Variants in TET1 observed in about 807,000 individuals in gnomAD.
TET1 encodes methylcytosine dioxygenase TET1.
A neutral mutation model predicts 148.7 loss-of-function variants in TET1; 13 were observed. That is an observed-to-expected ratio of 0.09 (90% CI 0.06 to 0.14). The LOEUF (loss-of-function observed/expected upper bound fraction) is 0.14, where lower values mean the gene tolerates loss of function less well. Ranked by LOEUF, TET1 falls within the 10% of genes least tolerant of loss-of-function variation. The pLI is 1.00. For synonymous variants in TET1, 907 were observed against 937.2 expected, an observed-to-expected ratio of 0.97 and a Z score of 0.59; for missense variants, 2,182 against 2,553.8, an observed-to-expected ratio of 0.85 and a Z score of 3.14.
chr10:68,567,475 G>T (rs912037951), intron 1 of TET1, among the ~76,000 whole-genome samples: 2 of 151,884 alleles, frequency 1.3e-5, no homozygotes, highest in African/African-American at 4.8e-5. Flanking sequence ...TGTATTTTTA[G>T]TAGAGACAGG....
intron 4 of TET1, among the ~76,000 whole-genome samples, 187 bp downstream of exon 4, chr10:68,647,192 A>C (rs34757215): frequency 0.072 from 10,918 of 152,276 alleles, 622 homozygotes; most frequent in South Asian, 0.16. Flanking sequence ...AGAATGGAAA[A>C]TTCAGCTCAT....
In TET1 at chr10:68,628,646, A is replaced by G. The variant is rs189231871; in HGVS notation, c.1969-16052A>G. On this transcript the variant is annotated intron_variant, in intron 3 of 11. Coordinates refer to ENST00000373644, the MANE Select transcript of TET1 (RefSeq NM_030625.3). Reference sequence around the variant, plus strand: ...AACTGAAGCTGGTGAAGAAATGTGTAGTTTACTGTCACCTTTGTCCAGTTC... The same window carrying G: ...AACTGAAGCTGGTGAAGAAATGTGTGGTTTACTGTCACCTTTGTCCAGTTC... 1.7e-3 allele frequency among the ~76,000 whole-genome samples: 254 copies of G among 152,316 alleles called. 2 individuals carry two copies. The highest frequency in any genetic ancestry group is 5.9e-3 in the African/African-American group (245 of 41,572).
chr10:68,624,640 CTTTCTTTCTTTCTTTCTT>C (rs1320432582), intron 3 of TET1, among the ~76,000 whole-genome samples: 34 of 47,952 alleles, frequency 7.1e-4, no homozygotes, highest in Middle Eastern at 9.1e-3. Flanking sequence ...TTCTTTCTTT[CTTTCTTTCTTTCTTTCTT>C]TCTCTCTCTC....
chr10:68,635,028 C>T (rs549946897), intron 3 of TET1, among the ~76,000 whole-genome samples: 3 of 151,056 alleles, frequency 2.0e-5, no homozygotes, highest in Admixed American at 6.6e-5. Context: ...CACCTGACCT[C>T]GTGATCCGCC....
chr10:68,601,784 G>A (rs2054059054), intron 3 of TET1, among the ~76,000 whole-genome samples: 1 of 151,980 alleles, frequency 6.6e-6, no homozygotes, highest in Non-Finnish European at 1.5e-5. Flanking sequence ...GTGGTGTATT[G>A]CTATTACAAA....
chr10:68,687,472 T>G (rs2055530873), intron 11 of TET1, among the ~76,000 whole-genome samples: 2 of 152,342 alleles, frequency 1.3e-5, no homozygotes, highest in South Asian at 4.1e-4. Context: ...GATGCCTTCC[T>G]TGGTCACCTT....
Position 68,644,743 on chromosome 10 carries a change from A to G in TET1, c.2014A>G (p.Met672Val), listed in dbSNP as rs1409004229. Residue 672 changes from methionine to valine, a missense_variant, in exon 4 of 12, where the codon ATG becomes GTG. By Grantham distance (21) the Met-to-Val change is conservative (BLOSUM62 1). This residue lies in a region of TET1 where 226 missense variants were observed against 307.4 expected (regional missense o/e 0.74). Coordinates refer to ENST00000373644, the MANE Select transcript of TET1 (RefSeq NM_030625.3). ...AGTAAATGGCCCCAAGTCAGAATCC[A>G]TGGACTACAGTAGATGTGGTCATGG... ...KPVNGPKSES[M>V]DYSRCGHGEE... The G allele has an allele frequency of 6.3e-7, 1 of 1,596,522 alleles. No individual in the cohort carries two copies. Among genetic ancestry groups the G allele is most frequent in the Admixed American group, 1.8e-5 (1 of 55,390 alleles).
intron 2 of TET1, among the ~76,000 whole-genome samples, chr10:68,581,999 ATC>A (rs2053803753): frequency 6.6e-6 from 1 of 152,168 alleles, no homozygotes; most frequent in African/African-American, 2.4e-5. Flanking sequence ...AACTGAAATA[ATC>A]TCTCATATTT....
At chr10:68,682,782 G>T (rs1472588648) in intron 9 of TET1, 54 bp from the exon 10 acceptor site, 1 of 1,556,180 alleles carries the variant, frequency 6.4e-7, no homozygotes, top group Non-Finnish European at 8.7e-7. Context: ...CTTTACTGAA[G>T]GTAGGTGATT....
intron 3 of TET1, among the ~76,000 whole-genome samples, chr10:68,614,928 T>G (rs1208171750): frequency 1.3e-5 from 2 of 151,932 alleles, no homozygotes; most frequent in South Asian, 4.1e-4. Context: ...TCATAAAAAA[T>G]TTAAAATTTT....
intron 2 of TET1, among the ~76,000 whole-genome samples, chr10:68,595,061 G>T (rs2132851755): frequency 6.6e-6 from 1 of 151,694 alleles, no homozygotes; most frequent in South Asian, 2.1e-4. Context: ...ACTGACATGG[G>T]AGGATCGCTT....
intron 3 of TET1, among the ~76,000 whole-genome samples, chr10:68,634,493 T>C (rs977374632): frequency 2.0e-5 from 3 of 152,242 alleles, no homozygotes; most frequent in Non-Finnish European, 4.4e-5. Flanking sequence ...GTGGAATTCA[T>C]TGTGAATGTT....
intron 11 of TET1, among the ~76,000 whole-genome samples, chr10:68,688,535 C>T (rs1006073984): frequency 5.6e-5 from 8 of 143,114 alleles, no homozygotes; most frequent in South Asian, 2.3e-4. Context: ...CCCGGGTTCA[C>T]GCCATTCTCC....
intron 2 of TET1, among the ~76,000 whole-genome samples, chr10:68,596,340 ATTT>A (rs538235654): frequency 1.3e-5 from 2 of 151,936 alleles, no homozygotes. Flanking sequence ...ATATTTTCAT[ATTT>A]TTTCTGTATA....
chr10:68,694,128 A>G lies in TET1; in HGVS notation c.*2314A>G, dbSNP rs182992616. On this transcript the variant is annotated 3_prime_UTR_variant, in exon 12 of 12. Transcript: ENST00000373644. ...CTTAACAATCTAAACTTGAAACATC[A>G]ATGTTAATTTTTGGAACTATTGGGA... 2.1e-4 allele frequency: 48 copies of G among 232,620 alleles called. No homozygotes were observed. The highest frequency in any genetic ancestry group is 1.3e-3 in the Middle Eastern group (1 of 780). 14.4% of individuals were successfully genotyped at this position (232,620 alleles called of 1,614,324 possible). A position where few individuals can be genotyped will look rare whatever the true frequency, so the allele number is the denominator to read the frequency against.
intron 3 of TET1, among the ~76,000 whole-genome samples, chr10:68,637,999 T>C (rs191259187): frequency 6.5e-4 from 99 of 152,316 alleles, no homozygotes; most frequent in African/African-American, 2.4e-3. Flanking sequence ...AGGCTGGTCT[T>C]GAACTCCTTA....
chr10:68,676,237 T>TATAC (rs1491116980), intron 8 of TET1, among the ~76,000 whole-genome samples: 2 of 23,990 alleles, frequency 8.3e-5, no homozygotes, highest in African/African-American at 4.0e-4. Flanking sequence ...TATGTATGTG[T>TATAC]ATATATATAT....
At chr10:68,674,743 T>TA in intron 8 of TET1, 2 of 493,414 alleles carry the variant, frequency 4.1e-6, no homozygotes, top group Admixed American at 2.4e-5. Context: ...TTGGTTTTAC[T>TA]AAAAAATGCA....
chr10:68,614,513 C>A (rs2054261059), intron 3 of TET1, among the ~76,000 whole-genome samples: 1 of 152,170 alleles, frequency 6.6e-6, no homozygotes, highest in South Asian at 2.1e-4. Flanking sequence ...CCTGTCTTCT[C>A]ACTTCTTAAT....
Sources: allele counts gnomAD v4.1 joint callset (sites outside exome capture counted in the v4.1 genomes callset), GRCh38; gene constraint gnomAD v4.1.1; regional missense constraint gnomAD v4.1.1; transcripts MANE v1.5; gene names NCBI Gene and HGNC (gene_info 2026-07-23, HGNC 2026-07-21).